The following CHM variants were observed in gnomAD, a reference collection of about 807,000 sequenced individuals.
CHM encodes the protein rab proteins geranylgeranyltransferase component A 1.
A neutral mutation model predicts 49.0 loss-of-function variants in CHM; 10 were observed. The observed-to-expected ratio is 0.20, with a 90% CI of 0.13 to 0.35. CHM has a LOEUF of 0.35. CHM is among the 10% of genes least tolerant of loss of function. CHM has a pLI of 1.00. For missense variants in CHM, 455 were observed against 478.4 expected, an observed-to-expected ratio of 0.95 and a Z score of 0.46; for synonymous variants, 184 against 167.5, an observed-to-expected ratio of 1.10 and a Z score of -0.76.
At chrX:85,933,107 C>T (rs1402733990) in intron 8 of CHM, among the ~76,000 whole-genome samples, 3 of 110,998 alleles carry the variant, frequency 2.7e-5, no homozygotes. Flanking sequence ...ACTTGGGAGG[C>T]TAAGGCAGGA....
chrX:86,001,045 G>C (rs1235414045), intron 2 of CHM, among the ~76,000 whole-genome samples: 2 of 111,820 alleles, frequency 1.8e-5, no homozygotes, highest in African/African-American at 6.5e-5. Context: ...TTCCCAATTA[G>C]CTTGACTTGA....
intron 2 of CHM, among the ~76,000 whole-genome samples, chrX:86,009,051 G>A (rs1450979278): frequency 8.9e-6 from 1 of 112,106 alleles, no homozygotes; most frequent in Non-Finnish European, 1.9e-5. Flanking sequence ...GAAATGAACA[G>A]TAAGCTTTCT....
intron 2 of CHM, among the ~76,000 whole-genome samples, chrX:85,999,364 C>A (rs2147742977): frequency 9.0e-6 from 1 of 110,912 alleles, no homozygotes; most frequent in Non-Finnish European, 1.9e-5. Context: ...TTAAAGACCC[C>A]AAATATTAAG....
chrX:85,909,768 A>G (rs1926820945), intron 9 of CHM, among the ~76,000 whole-genome samples: 1 of 112,352 alleles, frequency 8.9e-6, no homozygotes, highest in Non-Finnish European at 1.9e-5. Context: ...TGAGCTATGC[A>G]AATTATTCAT....
intron 9 of CHM, among the ~76,000 whole-genome samples, chrX:85,909,933 C>G (rs1926829717): frequency 8.9e-6 from 1 of 111,843 alleles, no homozygotes; most frequent in Non-Finnish European, 1.9e-5. Flanking sequence ...CTAAAGACAA[C>G]TATTCCTTAA....
At chrX:85,865,180 G>T (rs977164225) in intron 14 of CHM, among the ~76,000 whole-genome samples, 1 of 111,630 alleles carries the variant, frequency 9.0e-6, no homozygotes, top group African/African-American at 3.3e-5. Context: ...ATATGGTTTG[G>T]TTCTGAGTCC....
At chrX:86,003,416 G>A (rs1037031568) in intron 2 of CHM, among the ~76,000 whole-genome samples, 4 of 112,213 alleles carry the variant, frequency 3.6e-5, no homozygotes, top group East Asian at 2.8e-4. Flanking sequence ...TGATTTTGAC[G>A]AGTTGACAGA....
At chrX:85,941,963 C>T in intron 8 of CHM, among the ~76,000 whole-genome samples, 1 of 111,364 alleles carries the variant, frequency 9.0e-6, no homozygotes, top group African/African-American at 3.3e-5. Flanking sequence ...CTTTCTTCTA[C>T]ATGTTAGCTC....
intron 5 of CHM, among the ~76,000 whole-genome samples, chrX:85,960,221 A>G (rs1603263528): frequency 8.9e-6 from 1 of 111,852 alleles, no homozygotes; most frequent in East Asian, 2.8e-4. Context: ...TAGCCATAAT[A>G]ATGTCACAAA....
chrX:85,884,557 C>T (rs774481099), intron 12 of CHM, among the ~76,000 whole-genome samples: 2 of 111,076 alleles, frequency 1.8e-5, no homozygotes, highest in South Asian at 7.4e-4. Flanking sequence ...ATGAAATGTA[C>T]CTCCCTTGTT....
intron 1 of CHM, among the ~76,000 whole-genome samples, chrX:86,032,329 G>GTTAATA (rs1934073900): frequency 8.9e-6 from 1 of 111,970 alleles, no homozygotes; most frequent in Non-Finnish European, 1.9e-5. Context: ...GTAAGATGAG[G>GTTAATA]TTAATAATAC....
intron 2 of CHM, among the ~76,000 whole-genome samples, chrX:86,022,557 T>C (rs920219490): frequency 7.2e-5 from 8 of 111,517 alleles, no homozygotes; most frequent in African/African-American, 2.3e-4. Flanking sequence ...CTTTTACCCA[T>C]GCCTTAAAAG....
At chrX:85,884,972 C>T (rs1924999113) in intron 12 of CHM, among the ~76,000 whole-genome samples, 1 of 110,727 alleles carries the variant, frequency 9.0e-6, no homozygotes, top group African/African-American at 3.3e-5. Flanking sequence ...CACTGTGACA[C>T]AGTAATTAAA....
At chrX:86,015,912 C>T (rs1436978459) in intron 2 of CHM, among the ~76,000 whole-genome samples, 1 of 111,943 alleles carries the variant, frequency 8.9e-6, no homozygotes, top group Non-Finnish European at 1.9e-5. Context: ...GCAGGTGGAT[C>T]ACCTCAGGTC....
chrX:85,975,767 C>A (rs1931221547), intron 4 of CHM, among the ~76,000 whole-genome samples: 1 of 112,001 alleles, frequency 8.9e-6, no homozygotes, highest in African/African-American at 3.2e-5. Flanking sequence ...AATACATGAA[C>A]CCACAAATGT....
Position 86,047,497 on chromosome X carries a change from G to A in CHM, c.36C>T (p.Ile12=), listed in dbSNP as rs1365765661. The A allele has an allele frequency of 8.3e-7, 1 of 1,208,249 alleles. No individual in the cohort carries two copies. The highest frequency in any genetic ancestry group is 1.8e-5 in the South Asian group (1 of 56,499). ...ADTLPSEFDV[I]VIGTGLPESI... ...GGCTACACATACCCGTCCCTATTAC[G>A]ATCACATCAAACTCCGAAGGGAGAG... The change falls in exon 1 of 15, where the codon ATC becomes ATT. Residue 12 remains isoleucine, a synonymous_variant. Coordinates refer to ENST00000357749, the MANE Select transcript of CHM (RefSeq NM_000390.4).
chrX:85,907,701 G>T (rs369573701), intron 9 of CHM, among the ~76,000 whole-genome samples: 30 of 111,966 alleles, frequency 2.7e-4, no homozygotes, highest in African/African-American at 9.7e-4. Flanking sequence ...ACAGTGTTTT[G>T]ATGTATAATC....
At chrX:85,912,703 T>C (rs1390128427) in intron 8 of CHM, among the ~76,000 whole-genome samples, 1 of 111,032 alleles carries the variant, frequency 9.0e-6, no homozygotes, top group African/African-American at 3.3e-5. Context: ...TGCAACATAA[T>C]CACAAGTGTC....
At chrX:85,948,040 A>G (rs1929512668) in intron 8 of CHM, among the ~76,000 whole-genome samples, 1 of 111,775 alleles carries the variant, frequency 8.9e-6, no homozygotes, top group Admixed American at 9.5e-5. Context: ...TCCTTTAACA[A>G]AATTAAGTAA....
Sources: gnomAD v4.1 joint callset for allele counts (sites outside exome capture counted in the v4.1 genomes callset) on GRCh38, gnomAD v4.1.1 for gene constraint, MANE v1.5 for transcripts, NCBI Gene and HGNC (gene_info 2026-07-23, HGNC 2026-07-21) for gene names.